Variants in SCLT1 observed in about 807,000 individuals in gnomAD.
The protein encoded by SCLT1 is sodium channel and clathrin linker 1, also known as sodium channel-associated protein 1.
In SCLT1, 78 loss-of-function variants were observed where a neutral mutation model predicts 112.8. The ratio of observed to expected loss-of-function variants is 0.69; its 90% confidence interval spans 0.58 to 0.83. SCLT1 has a LOEUF of 0.83. SCLT1 is among the 40% of genes least tolerant of loss of function. The pLI is 0.00. For missense variants in SCLT1, 747 were observed against 770.4 expected (o/e 0.97, Z 0.36); for synonymous variants, 257 against 254.7 (o/e 1.01, Z -0.09).
At position 128,948,404 on chromosome 4, in the gene SCLT1, G is replaced by A. The variant is rs1738391745; in HGVS notation, c.1293+92C>T. ...ACCAGGACAATACTAACAAATAAAG[G>A]AATTGCTAGTAGATGGCATGATGGA... is the stretch of plus-strand genomic sequence containing the variant. On this transcript the variant is annotated intron_variant, in intron 15 of 20. Coordinates refer to ENST00000281142, the MANE Select transcript of SCLT1 (RefSeq NM_144643.4). The A allele has an allele frequency of 3.6e-6, 5 of 1,400,248 alleles. No homozygotes were observed. The Admixed American group carries it at 1.0e-4, about 29-fold the overall frequency. 86.7% of individuals were successfully genotyped at this position (1,400,248 alleles called of 1,614,324 possible). A position where few individuals can be genotyped will look rare whatever the true frequency, so the allele number is the denominator to read the frequency against.
intron 18 of SCLT1, among the ~76,000 whole-genome samples, chr4:128,925,758 TCTCA>T (rs1463559184): frequency 5.9e-5 from 9 of 152,154 alleles, no homozygotes; most frequent in Non-Finnish European, 8.8e-5. Context: ...GGTCTTTTTT[TCTCA>T]CTATGTTTCA....
intron 5 of SCLT1, among the ~76,000 whole-genome samples, chr4:129,013,472 C>A (rs942757599): frequency 6.6e-6 from 1 of 152,162 alleles, no homozygotes; most frequent in African/African-American, 2.4e-5. Flanking sequence ...GTATTTAGTG[C>A]TACCTTCAGG....
intron 18 of SCLT1, among the ~76,000 whole-genome samples, chr4:128,906,494 G>A (rs1375046117): frequency 2.0e-5 from 3 of 152,202 alleles, no homozygotes; most frequent in Admixed American, 6.5e-5. Context: ...CACTGCACCC[G>A]GCCGATTATA....
At chr4:128,877,887 G>A (rs937403558) in intron 3 of SCLT1, among the ~76,000 whole-genome samples, 1 of 152,090 alleles carries the variant, frequency 6.6e-6, no homozygotes, top group Non-Finnish European at 1.5e-5. Flanking sequence ...CCTTATTCTA[G>A]GGAGAATGGA....
intron 5 of SCLT1, among the ~76,000 whole-genome samples, chr4:129,016,997 G>A (rs1745049550): frequency 6.6e-6 from 1 of 152,130 alleles, no homozygotes; most frequent in Admixed American, 6.5e-5. Context: ...AGTTAAAAAT[G>A]ACAAAGTGTT....
intron 18 of SCLT1, among the ~76,000 whole-genome samples, chr4:128,923,551 T>A (rs1399432436): frequency 6.7e-6 from 1 of 150,216 alleles, no homozygotes; most frequent in Non-Finnish European, 1.5e-5. Context: ...GTCCTAGGCA[T>A]CCAAACTGTT....
intron 18 of SCLT1, among the ~76,000 whole-genome samples, chr4:128,909,552 A>C (rs751740060): frequency 1.1e-4 from 16 of 152,166 alleles, no homozygotes; most frequent in Non-Finnish European, 1.9e-4. Context: ...CCAGCCTCTA[A>C]ACTTTTTGCA....
At position 128,946,126 on chromosome 4, in the gene SCLT1, C is replaced by T. The variant is rs1306840338; in HGVS notation, c.1320G>A (p.Glu440=). 6.2e-7 allele frequency: 1 copy of T among 1,605,412 alleles called. No individual in the cohort carries two copies. The highest frequency in any genetic ancestry group is 8.5e-7 in the Non-Finnish European group (1 of 1,172,810). ...TTTCTTCCAGTTTTCTGTAATCACT[C>T]TCATTTCCTCTGCCTTCACGGTAAA... is the stretch of plus-strand genomic sequence containing the variant. ...EKIYREGRGN[E]SDYRKLEEMH... is the part of the protein sequence containing the mutation. The change falls in exon 16 of 21, where the codon GAG becomes GAA. Residue 440 remains glutamate (E), a synonymous_variant. Transcript: ENST00000281142.
chr4:128,942,564 T>C (rs1737790391), intron 17 of SCLT1, among the ~76,000 whole-genome samples: 1 of 152,100 alleles, frequency 6.6e-6, no homozygotes, highest in African/African-American at 2.4e-5. Flanking sequence ...GCCTTCTTCC[T>C]GCCATGGAAT....
At chr4:128,903,451 A>G (rs1734475776) in intron 18 of SCLT1, among the ~76,000 whole-genome samples, 2 of 152,152 alleles carry the variant, frequency 1.3e-5, no homozygotes, top group Non-Finnish European at 2.9e-5. Flanking sequence ...GAAAAGTTCT[A>G]ATTTTCTAAA....
At chr4:129,010,208 G>A (rs1031567552) in intron 5 of SCLT1, among the ~76,000 whole-genome samples, 3 of 152,078 alleles carry the variant, frequency 2.0e-5, no homozygotes, top group Admixed American at 6.6e-5. Context: ...TAGGTTTGTC[G>A]AGAATCAGAT....
chr4:128,911,542 G>A (rs539909417), intron 18 of SCLT1, among the ~76,000 whole-genome samples: 16 of 152,166 alleles, frequency 1.1e-4, no homozygotes, highest in African/African-American at 3.9e-4. Context: ...AAAAGCTTCT[G>A]ATCCTAAGTT....
Position 129,019,873 on chromosome 4 carries a change from A to AT in SCLT1, c.291-15998dup, listed in dbSNP as rs34589320. Among the ~76,000 whole-genome samples the AT allele has an allele frequency of 8.0e-3, 1,180 of 148,300 alleles. 10 individuals are homozygous for AT. Among genetic ancestry groups the AT allele is most frequent in the African/African-American group, 0.019 (751 of 40,546 alleles). ...TATGCTCCTCCAATTAATCATACAC[A>AT]TTTTTTTTTTTCCTATCTGGTATTC... On this transcript the variant is annotated intron_variant, in intron 5 of 20. Transcript: ENST00000281142.
chr4:129,055,489 T>C (rs1749274427), intron 2 of SCLT1, among the ~76,000 whole-genome samples: 3 of 152,172 alleles, frequency 2.0e-5, no homozygotes, highest in Non-Finnish European at 4.4e-5. Flanking sequence ...TGAACATGAA[T>C]CTAGAGAGGC....
At chr4:129,006,595 T>C (rs893674838) in intron 5 of SCLT1, among the ~76,000 whole-genome samples, 1 of 152,052 alleles carries the variant, frequency 6.6e-6, no homozygotes, top group Non-Finnish European at 1.5e-5. Context: ...CCCCCATTGA[T>C]TATTAAGATA....
intron 2 of SCLT1, among the ~76,000 whole-genome samples, chr4:129,047,838 T>C (rs542333742): frequency 1.3e-5 from 2 of 152,240 alleles, no homozygotes; most frequent in East Asian, 3.9e-4. Context: ...TAGATTCTTC[T>C]TTTAACTGTT....
downstream of SCLT1, among the ~76,000 whole-genome samples, chr4:128,883,690 A>C (rs1579272903): frequency 6.6e-6 from 1 of 152,308 alleles, no homozygotes; most frequent in East Asian, 1.9e-4. Flanking sequence ...TTTTATCTGG[A>C]CAACTGCAGC....
At chr4:129,071,098 T>C (rs770495836) in intron 2 of SCLT1, among the ~76,000 whole-genome samples, 8 of 152,196 alleles carry the variant, frequency 5.3e-5, no homozygotes, top group African/African-American at 7.2e-5. Context: ...AAGGTTCTTT[T>C]TGGAGTCAAT....
At chr4:128,939,490 G>A (rs2125985217) in intron 17 of SCLT1, among the ~76,000 whole-genome samples, 2 of 152,086 alleles carry the variant, frequency 1.3e-5, no homozygotes, top group Admixed American at 1.3e-4. Context: ...TTCTATTAAT[G>A]ATAAAATTCA....
Sources: gnomAD v4.1 joint callset for allele counts (sites outside exome capture counted in the v4.1 genomes callset) on GRCh38, gnomAD v4.1.1 for gene constraint, MANE v1.5 for transcripts, NCBI Gene and HGNC (gene_info 2026-07-23, HGNC 2026-07-21) for gene names.